The following TCF4 variants were observed in gnomAD, a reference collection of about 807,000 sequenced individuals.
TCF4 encodes SL3-3 enhancer factor 2.
Under a neutral mutation model 82.1 loss-of-function variants are expected in TCF4, and 3 were observed. The observed-to-expected ratio is 0.04, with a 90% CI of 0.02 to 0.09. TCF4 has a LOEUF of 0.09. Ranked by LOEUF, TCF4 falls within the 10% of genes least tolerant of loss-of-function variation. The pLI is 1.00. For missense variants in TCF4, 518 were observed against 852.7 expected (o/e 0.61, Z 4.89); for synonymous variants, 276 against 309.6 (o/e 0.89, Z 1.14).
At chr18:55,585,215 C>T (rs1487335110) in intron 3 of TCF4, 65 bp downstream of exon 3, 10 of 1,485,110 alleles carry the variant, frequency 6.7e-6, no homozygotes, top group Non-Finnish European at 9.4e-6. Flanking sequence ...GAGCCAAAAA[C>T]ATACAATTGA....
chr18:55,504,958 A>G (rs533063405), intron 3 of TCF4, among the ~76,000 whole-genome samples: 8 of 152,346 alleles, frequency 5.3e-5, no homozygotes, highest in Admixed American at 4.6e-4. Flanking sequence ...AGTACCTTGA[A>G]AAAAGGAAAA....
intron 14 of TCF4, 24 bp downstream of exon 14, chr18:55,257,291 C>A (rs1197367955): frequency 6.2e-7 from 1 of 1,609,046 alleles, no homozygotes; most frequent in African/African-American, 1.3e-5. Context: ...ATGGGTGGGA[C>A]AGAGATTAGC....
chr18:55,351,289 T>C, intron 6 of TCF4: 2 of 375,574 alleles, frequency 5.3e-6, no homozygotes, highest in South Asian at 4.8e-5. Context: ...ACAAAACAAA[T>C]GGCATTTATA....
chr18:55,599,405 T>A (rs1476534201), intron 2 of TCF4, among the ~76,000 whole-genome samples: 1 of 152,098 alleles, frequency 6.6e-6, no homozygotes, highest in Non-Finnish European at 1.5e-5. Flanking sequence ...TTATTATACT[T>A]AACACAAAAA....
intron 3 of TCF4, among the ~76,000 whole-genome samples, chr18:55,474,422 ATAT>A (rs1415961319): frequency 6.6e-6 from 1 of 152,194 alleles, no homozygotes; most frequent in Non-Finnish European, 1.5e-5. Flanking sequence ...AAATGCGACA[ATAT>A]TATACCATGT....
intron 5 of TCF4, among the ~76,000 whole-genome samples, chr18:55,442,561 T>C (rs1302664753): frequency 6.6e-6 from 1 of 152,212 alleles, no homozygotes; most frequent in African/African-American, 2.4e-5. Flanking sequence ...TTCTGAGACA[T>C]AGCATTGGCA....
intron 5 of TCF4, chr18:55,452,779 T>C (rs1020322406): frequency 6.6e-6 from 1 of 152,204 alleles, no homozygotes; most frequent in Admixed American, 6.5e-5. Context: ...ACACAGGCCT[T>C]GAAGGTGAGA....
intron 5 of TCF4, among the ~76,000 whole-genome samples, chr18:55,457,437 A>T (rs963650513): frequency 1.3e-5 from 2 of 152,208 alleles, no homozygotes; most frequent in African/African-American, 4.8e-5. Context: ...CAAATAGTGC[A>T]TTTTTCCACA....
At chr18:55,429,541 T>C (rs2095110483) in intron 5 of TCF4, among the ~76,000 whole-genome samples, 1 of 152,046 alleles carries the variant, frequency 6.6e-6, no homozygotes, top group Admixed American at 6.5e-5. Flanking sequence ...GACCAGCGGA[T>C]CACAAGGTCA....
chr18:55,588,346 C>T, upstream of TCF4: 1 of 1,487,244 alleles, frequency 6.7e-7, no homozygotes, highest in Non-Finnish European at 8.9e-7. Context: ...CGGGGAGACG[C>T]GACTTGCTCC....
At chr18:55,285,752 T>C (rs1448676846) in intron 8 of TCF4, among the ~76,000 whole-genome samples, 1 of 152,202 alleles carries the variant, frequency 6.6e-6, no homozygotes, top group African/African-American at 2.4e-5. Flanking sequence ...AGGACAGCTA[T>C]CACAGTAAGC....
intron 2 of TCF4, among the ~76,000 whole-genome samples, chr18:55,598,805 T>C (rs1277101398): frequency 6.6e-6 from 1 of 152,228 alleles, no homozygotes; most frequent in East Asian, 1.9e-4. Flanking sequence ...TTTAGAGCCA[T>C]CAAATACAGC....
intron 15 of TCF4, among the ~76,000 whole-genome samples, chr18:55,253,916 G>T (rs1447340185): frequency 6.6e-6 from 1 of 152,120 alleles, no homozygotes; most frequent in Non-Finnish European, 1.5e-5. Flanking sequence ...ATCCTCAAGG[G>T]AAACATGTGT....
chr18:55,594,397 G>A (rs1455617273), intron 2 of TCF4, among the ~76,000 whole-genome samples: 1 of 152,152 alleles, frequency 6.6e-6, no homozygotes, highest in African/African-American at 2.4e-5. Context: ...CATGATGCCA[G>A]AGTACATGAA....
intron 18 of TCF4, 128 bp downstream of exon 18, chr18:55,228,719 G>C (rs1316562959): frequency 9.9e-7 from 1 of 1,011,146 alleles, no homozygotes; most frequent in African/African-American, 1.6e-5. Context: ...GTCTGCAATG[G>C]AAACAATTCT....
chr18:55,362,523 G>A (rs762469732), intron 6 of TCF4, among the ~76,000 whole-genome samples: 2 of 151,350 alleles, frequency 1.3e-5, no homozygotes, highest in Admixed American at 6.6e-5. Flanking sequence ...TCTCTTTTTC[G>A]AAATCCATTC....
chr18:55,444,602 T>C (rs2095494636), intron 5 of TCF4, among the ~76,000 whole-genome samples: 1 of 152,212 alleles, frequency 6.6e-6, no homozygotes, highest in African/African-American at 2.4e-5. Context: ...AGCTACAGAA[T>C]TGAGAACTTT....
Position 55,223,112 on chromosome 18 carries a change from A to G in TCF4, c.*4923T>C, listed in dbSNP as rs2046084862. On this transcript the variant is annotated 3_prime_UTR_variant, in exon 20 of 20. Coordinates refer to ENST00000354452, the MANE Select transcript of TCF4 (RefSeq NM_001083962.2). ...AGGCTGACTTGACTTAGCAACCTGC[A>G]GCACAACCGAAAACACTGGTGCAGT... 6.6e-6 allele frequency: 1 copy of G among 152,242 alleles called. No individual in the cohort carries two copies. The highest frequency in any genetic ancestry group is 1.5e-5 in the Non-Finnish European group (1 of 68,036). The allele number at this position is 152,242 out of a possible 1,614,324, so 9.4% of individuals were successfully genotyped here.
chr18:55,325,957 G>GT (rs1321357041), intron 8 of TCF4, among the ~76,000 whole-genome samples: 1 of 152,142 alleles, frequency 6.6e-6, no homozygotes, highest in African/African-American at 2.4e-5. Flanking sequence ...GCACAGTACA[G>GT]TGACACACAA....
Sources: gnomAD v4.1 joint callset for allele counts (sites outside exome capture counted in the v4.1 genomes callset) on GRCh38, gnomAD v4.1.1 for gene constraint, MANE v1.5 for transcripts, NCBI Gene and HGNC (gene_info 2026-07-23, HGNC 2026-07-21) for gene names.